C1GALT1: variants seen among roughly 807,000 people sequenced by gnomAD.
The protein encoded by C1GALT1 is glycoprotein-N-acetylgalactosamine 3-beta-galactosyltransferase 1.
C1GALT1 carries 11 observed loss-of-function variants against 31.0 expected under a neutral mutation model. The ratio of observed to expected loss-of-function variants is 0.36; its 90% confidence interval spans 0.22 to 0.59. C1GALT1 has a LOEUF of 0.59. C1GALT1 is among the 20% of genes least tolerant of loss of function. The probability of loss-of-function intolerance (pLI) is 0.79; values close to 1 mark genes in which losing one functional copy is unlikely to be tolerated. For synonymous variants in C1GALT1, 175 were observed against 143.6 expected (o/e 1.22, Z -1.56); for missense variants, 424 against 425.2 (o/e 1.00, Z 0.03).
intron 1 of C1GALT1, among the ~76,000 whole-genome samples, chr7:7,200,426 G>T (rs1346673232): frequency 6.6e-6 from 1 of 152,018 alleles, no homozygotes; most frequent in African/African-American, 2.4e-5. Context: ...AGTCTGATTG[G>T]CTTCCCTTTG....
At chr7:7,219,059 G>A (rs1037833966) in intron 1 of C1GALT1, among the ~76,000 whole-genome samples, 11 of 151,910 alleles carry the variant, frequency 7.2e-5, no homozygotes, top group South Asian at 2.1e-4. Context: ...GGATGGTCTC[G>A]ATCTCCTGAC....
intron 1 of C1GALT1, among the ~76,000 whole-genome samples, chr7:7,227,814 C>T (rs1562589463): frequency 6.6e-6 from 1 of 152,118 alleles, no homozygotes; most frequent in African/African-American, 2.4e-5. Flanking sequence ...CACCTCAAGA[C>T]TCTTCAGAGG....
At chr7:7,193,933 G>A (rs2128232954) in intron 1 of C1GALT1, among the ~76,000 whole-genome samples, 1 of 150,944 alleles carries the variant, frequency 6.6e-6, no homozygotes, top group Non-Finnish European at 1.5e-5. Context: ...TTTTTTTGCA[G>A]ACATAGTAAA....
chr7:7,211,112 G>T (rs555342658), intron 1 of C1GALT1, among the ~76,000 whole-genome samples: 1 of 152,208 alleles, frequency 6.6e-6, no homozygotes, highest in Admixed American at 6.5e-5. Context: ...TCGGAAGAAT[G>T]GCATGTCCAT....
chr7:7,186,383 C>G (rs1012189817), intron 1 of C1GALT1, among the ~76,000 whole-genome samples: 2 of 152,166 alleles, frequency 1.3e-5, no homozygotes, highest in African/African-American at 2.4e-5. Context: ...AATCTCTGTC[C>G]TCATGGAGCT....
rs1444043546 is a variant in C1GALT1, at chr7:7,247,847, GC to G, written c.*4122del. The G allele has an allele frequency of 1.3e-5, 2 of 151,888 alleles. No individual in the cohort carries two copies. The highest frequency in any genetic ancestry group is 4.8e-5 in the African/African-American group (2 of 41,360). The allele number at this position is 151,888 out of a possible 1,614,324, so 9.4% of individuals were successfully genotyped here. ...TTTATCACTTAATTGATAATTTTAA[GC>G]CTACTAACTAGGGTTCCCTATGAAA... On this transcript the variant is annotated 3_prime_UTR_variant, in exon 4 of 4. Transcript: ENST00000436587.
chr7:7,227,217 C>T (rs1378267504), intron 1 of C1GALT1, among the ~76,000 whole-genome samples: 1 of 151,994 alleles, frequency 6.6e-6, no homozygotes, highest in Non-Finnish European at 1.5e-5. Flanking sequence ...AATATAATTC[C>T]CATTCTGTAA....
At chr7:7,197,584 C>G (rs550460114) in intron 1 of C1GALT1, among the ~76,000 whole-genome samples, 1 of 152,212 alleles carries the variant, frequency 6.6e-6, no homozygotes, top group Middle Eastern at 3.4e-3. Context: ...TGAAGAAAGT[C>G]ATTGGTAGCT....
At chr7:7,223,489 G>T (rs1163149455) in intron 1 of C1GALT1, among the ~76,000 whole-genome samples, 2 of 152,094 alleles carry the variant, frequency 1.3e-5, no homozygotes, top group African/African-American at 4.8e-5. Context: ...GTTTTATATG[G>T]GAAGAGATTG....
At chr7:7,215,714 A>G (rs908758772) in intron 1 of C1GALT1, among the ~76,000 whole-genome samples, 2 of 145,658 alleles carry the variant, frequency 1.4e-5, no homozygotes, top group Non-Finnish European at 3.0e-5. Flanking sequence ...GTACTGTAGG[A>G]GACATATTGC....
chr7:7,162,583 C>A (rs1041815657), intron 2 of C1GALT1, among the ~76,000 whole-genome samples: 1 of 151,850 alleles, frequency 6.6e-6, no homozygotes, highest in South Asian at 2.1e-4. Context: ...CATACATGTG[C>A]ATGTGTCTTT....
intron 1 of C1GALT1, among the ~76,000 whole-genome samples, chr7:7,228,078 T>C (rs959451958): frequency 6.6e-6 from 1 of 152,238 alleles, no homozygotes; most frequent in Non-Finnish European, 1.5e-5. Context: ...GTCCGTACTT[T>C]ATAGTTTGCA....
chr7:7,226,953 C>T (rs900037396), intron 1 of C1GALT1, among the ~76,000 whole-genome samples: 1 of 152,096 alleles, frequency 6.6e-6, no homozygotes, highest in Non-Finnish European at 1.5e-5. Flanking sequence ...TATATTTGTA[C>T]ATGTGTGTAT....
intron 1 of C1GALT1, among the ~76,000 whole-genome samples, chr7:7,204,441 T>C (rs375869661): frequency 6.6e-6 from 1 of 152,058 alleles, no homozygotes. Flanking sequence ...ATTTCAGTAA[T>C]TTGAGTCTTT....
chr7:7,195,459 A>G (rs1310157634), intron 1 of C1GALT1, among the ~76,000 whole-genome samples: 2 of 152,126 alleles, frequency 1.3e-5, no homozygotes, highest in African/African-American at 2.4e-5. Context: ...AGGTTATTTA[A>G]TTTCCATGTA....
At chr7:7,204,081 T>A (rs1312540077) in intron 1 of C1GALT1, among the ~76,000 whole-genome samples, 3 of 150,482 alleles carry the variant, frequency 2.0e-5, no homozygotes, top group Admixed American at 6.7e-5. Context: ...AGTCAGGAAG[T>A]GTTCCCTCCT....
At chr7:7,171,219 T>C (rs1459447921) in intron 2 of C1GALT1, among the ~76,000 whole-genome samples, 1 of 152,200 alleles carries the variant, frequency 6.6e-6, no homozygotes, top group Non-Finnish European at 1.5e-5. Context: ...CCAACTATTA[T>C]TGTACAACTA....
intron 2 of C1GALT1, among the ~76,000 whole-genome samples, chr7:7,164,646 C>A (rs942639090): frequency 2.0e-5 from 3 of 152,064 alleles, no homozygotes; most frequent in East Asian, 3.9e-4. Context: ...GTCAACCCGA[C>A]GAGGAACTCT....
chr7:7,201,846 C>T (rs1012484124), intron 1 of C1GALT1, among the ~76,000 whole-genome samples: 6 of 152,214 alleles, frequency 3.9e-5, no homozygotes, highest in African/African-American at 1.2e-4. Context: ...TGTTTGCCTC[C>T]TCCCCCGATT....
Sources: gnomAD v4.1 joint callset for allele counts (sites outside exome capture counted in the v4.1 genomes callset) on GRCh38, gnomAD v4.1.1 for gene constraint, MANE v1.5 for transcripts, NCBI Gene and HGNC (gene_info 2026-07-23, HGNC 2026-07-21) for gene names.